FBXL17: variants seen among roughly 807,000 people sequenced by gnomAD.
The protein encoded by FBXL17 is F-box/LRR-repeat protein 17.
FBXL17 carries 22 observed loss-of-function variants against 66.2 expected under a neutral mutation model. The ratio of observed to expected loss-of-function variants is 0.33; its 90% CI spans 0.24 to 0.47. The LOEUF (loss-of-function observed/expected upper bound fraction) is 0.47, where lower values mean the gene tolerates loss of function less well. Among genes scored for constraint, FBXL17 ranks in the 20% least tolerant of loss-of-function variants. The probability of loss-of-function intolerance (pLI) is 1.00; values close to 1 mark genes in which losing one functional copy is unlikely to be tolerated. For missense variants in FBXL17, 878 were observed against 948.2 expected (o/e 0.93, Z 0.97); for synonymous variants, 474 against 400.5 (o/e 1.18, Z -2.19).
chr5:107,890,357 T>TA (rs397961122), intron 7 of FBXL17, among the ~76,000 whole-genome samples: 3,839 of 141,168 alleles, frequency 0.027, 113 homozygotes, highest in African/African-American at 0.076. Flanking sequence ...GGTCTCAGAT[T>TA]AAAAAAAAAA....
intron 6 of FBXL17, among the ~76,000 whole-genome samples, chr5:108,040,528 A>C (rs1747005727): frequency 6.6e-6 from 1 of 152,194 alleles, no homozygotes; most frequent in African/African-American, 2.4e-5. Context: ...TAAATAAATT[A>C]TGGTATCCAG....
intron 4 of FBXL17, among the ~76,000 whole-genome samples, chr5:108,310,030 T>C (rs1759041883): frequency 6.6e-6 from 1 of 152,146 alleles, no homozygotes; most frequent in Admixed American, 6.6e-5. Context: ...CAAAATATTA[T>C]TCTATAAGTT....
intron 6 of FBXL17, among the ~76,000 whole-genome samples, chr5:108,047,048 G>C (rs142105030): frequency 1.1e-4 from 16 of 152,272 alleles, no homozygotes; most frequent in Non-Finnish European, 1.2e-4. Flanking sequence ...CTACAAGCAG[G>C]GGCAATGGGA....
chr5:108,344,787 T>C (rs894529684), intron 4 of FBXL17, among the ~76,000 whole-genome samples: 9 of 152,212 alleles, frequency 5.9e-5, no homozygotes, highest in African/African-American at 1.7e-4. Flanking sequence ...ATAATGACTA[T>C]ATGCTCAAAC....
intron 4 of FBXL17, among the ~76,000 whole-genome samples, chr5:108,248,532 C>T (rs989381070): frequency 2.6e-5 from 4 of 151,914 alleles, no homozygotes; most frequent in Admixed American, 6.6e-5. Flanking sequence ...AGGACTAAAA[C>T]GGTATTTAAA....
At chr5:108,354,862 A>T (rs566584563) in intron 3 of FBXL17, among the ~76,000 whole-genome samples, 4 of 152,234 alleles carry the variant, frequency 2.6e-5, no homozygotes, top group African/African-American at 9.6e-5. Flanking sequence ...AAGAAAGTAG[A>T]GTGAAATATT....
intron 4 of FBXL17, 111 bp downstream of exon 4, chr5:108,348,285 AAGT>A (rs1384706481): frequency 2.2e-6 from 2 of 907,458 alleles, no homozygotes; most frequent in Non-Finnish European, 1.6e-6. Context: ...GCTTTTGATT[AAGT>A]AGTATTTGAA....
In FBXL17 at chr5:108,274,314, G is replaced by C. The variant is rs931043278; in HGVS notation, c.1507-50086C>G. 2.0e-5 allele frequency among the ~76,000 whole-genome samples: 3 copies of C among 152,156 alleles called. No individual in the cohort carries two copies. In the South Asian group the frequency reaches 6.2e-4, roughly 32 times the overall value. On this transcript the variant is annotated intron_variant, in intron 4 of 8. Transcript: ENST00000542267. ...GGGCCAGTTTAGAGACCTACCCCCA[G>C]GTGCGCATTCTCTTTCTCAGGGATG...
At chr5:108,023,950 A>G (rs1409686090) in intron 6 of FBXL17, among the ~76,000 whole-genome samples, 1 of 152,218 alleles carries the variant, frequency 6.6e-6, no homozygotes, top group Non-Finnish European at 1.5e-5. Context: ...TCTTACAGAT[A>G]CTACATAGAA....
At chr5:108,359,470 C>T (rs1420059275) in intron 3 of FBXL17, among the ~76,000 whole-genome samples, 1 of 152,118 alleles carries the variant, frequency 6.6e-6, no homozygotes, top group African/African-American at 2.4e-5. Flanking sequence ...TTTGCTACAT[C>T]CCTTGAGTTT....
At chr5:107,871,069 A>AAAAAAAAAAAAAC (rs1456052737) in intron 8 of FBXL17, among the ~76,000 whole-genome samples, 2,708 of 129,468 alleles carry the variant, frequency 0.021, 169 homozygotes, top group African/African-American at 0.066. Context: ...AAAAAAAAAA[A>AAAAAAAAAAAAAC]AAAAAAAAAA....
At chr5:108,118,496 C>T (rs1226369516) in intron 6 of FBXL17, among the ~76,000 whole-genome samples, 3 of 152,200 alleles carry the variant, frequency 2.0e-5, no homozygotes, top group Non-Finnish European at 4.4e-5. Context: ...TCCTTGATCG[C>T]ACTTAAGTTC....
chr5:108,014,433 C>A (rs116238399), intron 7 of FBXL17, among the ~76,000 whole-genome samples: 3 of 151,986 alleles, frequency 2.0e-5, no homozygotes, highest in Non-Finnish European at 4.4e-5. Flanking sequence ...TTTAAAAAAA[C>A]GACTAAATGT....
In FBXL17 at chr5:108,380,849, G is replaced by A. The variant is rs1580937834; in HGVS notation, c.843C>T (p.Ala281=). The change falls in exon 1 of 9, where the codon GCC becomes GCT. Residue 281 remains alanine (A), a synonymous_variant. Coordinates refer to ENST00000542267, the MANE Select transcript of FBXL17 (RefSeq NM_001163315.3). The part of the protein sequence containing the change: ...PTEAGGDAVR[A]GGTAPLSAQQ... ...GGGCGGACAAGGGGGCGGTGCCCCCGGCTCGGACAGCGTCCCCGCCAGCTT... is the reference window on the plus strand; with the variant it reads ...GGGCGGACAAGGGGGCGGTGCCCCCAGCTCGGACAGCGTCCCCGCCAGCTT... The A allele has an allele frequency of 3.2e-6, 4 of 1,246,446 alleles. No homozygotes were observed. Among genetic ancestry groups the A allele is most frequent in the East Asian group, 6.3e-5 (2 of 31,662 alleles). 77.2% of individuals were successfully genotyped at this position (1,246,446 alleles called of 1,614,324 possible).
In FBXL17 at chr5:108,192,063, T is replaced by A. The variant is rs1753491231; in HGVS notation, c.1615-5816A>T. Among the ~76,000 whole-genome samples the A allele has an allele frequency of 1.3e-5, 2 of 152,206 alleles. 1 individual carries two copies. Among genetic ancestry groups the A allele is most frequent in the African/African-American group, 4.8e-5 (2 of 41,466 alleles). ...ACACAAAACTAGCACTTCTAAGAGATGTGGCATTTTTATTCAAAACTGCAC... is the reference window on the plus strand; with the variant it reads ...ACACAAAACTAGCACTTCTAAGAGAAGTGGCATTTTTATTCAAAACTGCAC... On this transcript the variant is annotated intron_variant, in intron 5 of 8. Coordinates refer to ENST00000542267, the MANE Select transcript of FBXL17 (RefSeq NM_001163315.3).
At chr5:108,113,270 T>A (rs1404481142) in intron 6 of FBXL17, among the ~76,000 whole-genome samples, 1 of 152,182 alleles carries the variant, frequency 6.6e-6, no homozygotes, top group Admixed American at 6.5e-5. Flanking sequence ...CTCTTTATTT[T>A]CTAAGTTAAA....
chr5:107,880,663 T>C, intron 8 of FBXL17: 1 of 1,206,150 alleles, frequency 8.3e-7, no homozygotes, highest in Non-Finnish European at 1.0e-6. Context: ...CCTTTACTGT[T>C]GCTGGAAACT....
intron 7 of FBXL17, among the ~76,000 whole-genome samples, chr5:107,955,284 C>T (rs1331504480): frequency 2.0e-5 from 3 of 151,920 alleles, no homozygotes; most frequent in East Asian, 1.9e-4. Flanking sequence ...ACCTAAATAG[C>T]TCTTAGTCTT....
At chr5:108,350,594 A>T (rs964191974) in intron 3 of FBXL17, among the ~76,000 whole-genome samples, 6 of 152,184 alleles carry the variant, frequency 3.9e-5, no homozygotes, top group African/African-American at 1.4e-4. Flanking sequence ...GATTCTACAG[A>T]CTTAGATAAA....
Sources: gnomAD v4.1 joint callset for allele counts (sites outside exome capture counted in the v4.1 genomes callset) on GRCh38, gnomAD v4.1.1 for gene constraint, MANE v1.5 for transcripts, NCBI Gene and HGNC (gene_info 2026-07-23, HGNC 2026-07-21) for gene names.